Variants in CDH12 observed in about 807,000 individuals in gnomAD.
CDH12 encodes cadherin-12.
Under a neutral mutation model 74.1 loss-of-function variants are expected in CDH12, and 41 were observed. The ratio of observed to expected loss-of-function variants is 0.55; its 90% CI spans 0.43 to 0.72. The LOEUF (loss-of-function observed/expected upper bound fraction) is 0.72. CDH12 is among the 30% of genes least tolerant of loss of function. The probability of loss-of-function intolerance (pLI) is 0.00; values close to 1 mark genes in which losing one functional copy is unlikely to be tolerated. For synonymous variants in CDH12, 399 were observed against 355.0 expected (o/e 1.12, Z -1.39); for missense variants, 945 against 977.2 (o/e 0.97, Z 0.44).
intron 10 of CDH12, among the ~76,000 whole-genome samples, chr5:21,790,530 A>G (rs989358621): frequency 6.6e-6 from 1 of 152,210 alleles, no homozygotes; most frequent in African/African-American, 2.4e-5. Context: ...GGTGATATAC[A>G]TTTTATTCAC....
chr5:22,465,624 C>A (rs1439614971), intron 2 of CDH12, among the ~76,000 whole-genome samples: 2 of 152,168 alleles, frequency 1.3e-5, no homozygotes, highest in Non-Finnish European at 2.9e-5. Flanking sequence ...CTAGCTTGGG[C>A]AACAGAGTTA....
intron 1 of CDH12, among the ~76,000 whole-genome samples, chr5:22,586,185 T>C (rs1740390087): frequency 6.6e-6 from 1 of 152,126 alleles, no homozygotes; most frequent in African/African-American, 2.4e-5. Context: ...TTCATGTCCT[T>C]TGTAGGGACA....
At chr5:22,246,909 A>C (rs1372323514) in intron 3 of CDH12, among the ~76,000 whole-genome samples, 3 of 152,318 alleles carry the variant, frequency 2.0e-5, no homozygotes, top group South Asian at 2.1e-4. Flanking sequence ...TTTTCAATTA[A>C]CAAAGTTGGC....
In CDH12 at chr5:22,650,757, G is replaced by A. The variant is rs573688453; in HGVS notation, c.-522-145393C>T. 2.0e-5 allele frequency among the ~76,000 whole-genome samples: 3 copies of A among 152,018 alleles called. No homozygotes were observed. The East Asian group carries it at 5.8e-4, about 30-fold the overall frequency. On this transcript the variant is annotated intron_variant, in intron 1 of 14. Coordinates refer to ENST00000382254, the MANE Select transcript of CDH12 (RefSeq NM_004061.5). ...CACTCTCTGCATGCTACCCATCACA[G>A]GGACACGTGTACAACATCAATATCA...
chr5:22,150,023 G>T (rs4510546), intron 4 of CDH12, among the ~76,000 whole-genome samples: 1 of 151,684 alleles, frequency 6.6e-6, no homozygotes, highest in Non-Finnish European at 1.5e-5. Flanking sequence ...AAAATATTTC[G>T]CTCATAAATT....
At chr5:22,085,133 A>G (rs1742980416) in intron 4 of CDH12, among the ~76,000 whole-genome samples, 1 of 152,002 alleles carries the variant, frequency 6.6e-6, no homozygotes, top group African/African-American at 2.4e-5. Flanking sequence ...CTTAACTCGG[A>G]TGATGACTCT....
At chr5:22,473,602 C>T (rs1746054004) in intron 2 of CDH12, among the ~76,000 whole-genome samples, 1 of 152,038 alleles carries the variant, frequency 6.6e-6, no homozygotes, top group South Asian at 2.1e-4. Flanking sequence ...TAAAGCTAGG[C>T]CCAATTTTTA....
intron 5 of CDH12, among the ~76,000 whole-genome samples, chr5:22,038,199 C>T (rs1433038377): frequency 6.6e-6 from 1 of 152,162 alleles, no homozygotes; most frequent in Admixed American, 6.5e-5. Context: ...TGGCCTAATA[C>T]CCTTCCATCC....
chr5:22,395,401 T>A (rs948919208), intron 3 of CDH12, among the ~76,000 whole-genome samples: 5 of 152,102 alleles, frequency 3.3e-5, no homozygotes, highest in African/African-American at 4.8e-5. Context: ...GACTTCTGCC[T>A]TTTTTAGTTG....
At chr5:22,281,261 C>G (rs1018789086) in intron 3 of CDH12, among the ~76,000 whole-genome samples, 4 of 152,208 alleles carry the variant, frequency 2.6e-5, no homozygotes, top group African/African-American at 9.6e-5. Flanking sequence ...AACCCACAGC[C>G]AATATCATAC....
chr5:22,785,032 T>C (rs1747555112), intron 1 of CDH12, among the ~76,000 whole-genome samples: 1 of 152,158 alleles, frequency 6.6e-6, no homozygotes, highest in South Asian at 2.1e-4. Context: ...TAATATTTGA[T>C]TTTTGTGTAC....
intron 14 of CDH12, among the ~76,000 whole-genome samples, chr5:21,753,397 A>G (rs1744206112): frequency 6.6e-6 from 1 of 152,170 alleles, no homozygotes; most frequent in Non-Finnish European, 1.5e-5. Flanking sequence ...AACAAAGGAC[A>G]TGATTGTTTG....
intron 3 of CDH12, among the ~76,000 whole-genome samples, chr5:22,264,396 T>G (rs1753632385): frequency 6.6e-6 from 1 of 152,208 alleles, no homozygotes; most frequent in Admixed American, 6.6e-5. Context: ...TTCTCACTTT[T>G]TTCCTAATGT....
intron 1 of CDH12, among the ~76,000 whole-genome samples, chr5:22,743,260 T>TTATATATATA (rs71609778): frequency 7.3e-4 from 66 of 90,428 alleles, no homozygotes; most frequent in South Asian, 5.4e-3. Context: ...AGCATGGAGA[T>TTATATATATA]TATATATATA....
At chr5:22,351,832 A>G (rs1306770757) in intron 3 of CDH12, among the ~76,000 whole-genome samples, 2 of 152,202 alleles carry the variant, frequency 1.3e-5, no homozygotes, top group African/African-American at 4.8e-5. Context: ...GTAAATCACA[A>G]AAGGTGGTAA....
intron 3 of CDH12, among the ~76,000 whole-genome samples, chr5:22,258,370 G>T (rs1753393486): frequency 6.6e-6 from 1 of 152,036 alleles, no homozygotes; most frequent in Admixed American, 6.6e-5. Context: ...GCTCTGTGGA[G>T]TTCAGAGAGT....
At chr5:22,446,170 T>C (rs1744808452) in intron 2 of CDH12, among the ~76,000 whole-genome samples, 1 of 152,094 alleles carries the variant, frequency 6.6e-6, no homozygotes. Context: ...CTTCACTGTG[T>C]CCTTGACATC....
chr5:22,705,061 G>A (rs75241018), intron 1 of CDH12, among the ~76,000 whole-genome samples: 4,811 of 150,988 alleles, frequency 0.032, 265 homozygotes, highest in East Asian at 0.14. Flanking sequence ...TATAATGTGC[G>A]TGTTTGTGGG....
At chr5:21,836,462 A>AACACACACACAC (rs60658949) in intron 8 of CDH12, among the ~76,000 whole-genome samples, 2,803 of 143,464 alleles carry the variant, frequency 0.02, 57 homozygotes, top group African/African-American at 0.05. Context: ...TAGAAAGGAA[A>AACACACACACAC]ACACACACAC....
Sources: allele counts gnomAD v4.1 joint callset (sites outside exome capture counted in the v4.1 genomes callset), GRCh38; gene constraint gnomAD v4.1.1; transcripts MANE v1.5; gene names NCBI Gene and HGNC (gene_info 2026-07-23, HGNC 2026-07-21).